Variants in SMC3 observed in about 807,000 individuals in gnomAD.
The protein encoded by SMC3 is structural maintenance of chromosomes 3.
SMC3 carries 20 observed loss-of-function variants against 171.8 expected under a neutral mutation model. The observed-to-expected ratio is 0.12, with a 90% CI of 0.08 to 0.17. SMC3 has a LOEUF of 0.17. Among genes scored for constraint, SMC3 ranks in the 10% least tolerant of loss-of-function variants. The pLI, the probability that SMC3 is intolerant of heterozygous loss-of-function variation, is 1.00. For synonymous variants in SMC3, 464 were observed against 451.1 expected (o/e 1.03, Z -0.36); for missense variants, 543 against 1,420.4 (o/e 0.38, Z 9.93).
At chr10:110,573,384 G>C (rs1423728173) in intron 2 of SMC3, among the ~76,000 whole-genome samples, 1 of 151,372 alleles carries the variant, frequency 6.6e-6, no homozygotes, top group Non-Finnish European at 1.5e-5. Flanking sequence ...AGTTAAAATA[G>C]AATTATATAT....
chr10:110,590,357 C>T, intron 15 of SMC3, 55 bp from the exon 16 acceptor site: 1 of 1,437,808 alleles, frequency 7.0e-7, no homozygotes, highest in Non-Finnish European at 9.8e-7. Context: ...CATTCCTTAC[C>T]AGGAGTGCCA....
intron 18 of SMC3, among the ~76,000 whole-genome samples, chr10:110,594,207 T>A (rs1185149916): frequency 6.6e-6 from 1 of 150,942 alleles, no homozygotes; most frequent in Non-Finnish European, 1.5e-5. Context: ...TTAAATTTAT[T>A]TTTTTTTTAC....
chr10:110,604,110 A>AC lies in SMC3; in HGVS notation c.3583-121_3583-120insC. The AC allele has an allele frequency of 1.5e-5, 8 of 534,878 alleles. No homozygotes were observed. In the East Asian group the frequency reaches 2.0e-4, roughly 14 times the overall value. 33.1% of individuals were successfully genotyped at this position (534,878 alleles called of 1,614,324 possible). On this transcript the variant is annotated intron_variant, in intron 28 of 28. Coordinates refer to ENST00000361804, the MANE Select transcript of SMC3 (RefSeq NM_005445.4). ...ACTCCATCTCAAAAAAAAAAAAAAAAAAAAAAACTAAAAATTAAAAAATGT... is the reference window on the plus strand; with the variant it reads ...ACTCCATCTCAAAAAAAAAAAAAAAACAAAAAAACTAAAAATTAAAAAATGT...
intron 20 of SMC3, among the ~76,000 whole-genome samples, chr10:110,599,375 G>A (rs950093120): frequency 6.6e-6 from 1 of 152,180 alleles, no homozygotes; most frequent in South Asian, 2.1e-4. Flanking sequence ...GGTTACAGGC[G>A]TGAGCCACTG....
At chr10:110,602,343 C>A in intron 25 of SMC3, 131 bp from the exon 26 acceptor site, 1 of 953,144 alleles carries the variant, frequency 1.0e-6, no homozygotes, top group Non-Finnish European at 1.6e-6. Flanking sequence ...TTTTACACAG[C>A]CCTTAGAAGG....
chr10:110,578,814 ATAT>A, intron 7 of SMC3, 108 bp downstream of exon 7: 1 of 796,244 alleles, frequency 1.3e-6, no homozygotes, highest in Non-Finnish European at 2.1e-6. Context: ...AAAAATGGCC[ATAT>A]TCTTTTACAT....
intron 2 of SMC3, among the ~76,000 whole-genome samples, chr10:110,571,861 A>G (rs1860878511): frequency 6.6e-6 from 1 of 152,168 alleles, no homozygotes. Flanking sequence ...GTAATCTGTT[A>G]TTCTCCTTCA....
At chr10:110,595,054 C>G (rs1364021083) in intron 18 of SMC3, among the ~76,000 whole-genome samples, 1 of 151,412 alleles carries the variant, frequency 6.6e-6, no homozygotes, top group Non-Finnish European at 1.5e-5. Flanking sequence ...ATGATCTCAG[C>G]TCACTACAAC....
intron 4 of SMC3, among the ~76,000 whole-genome samples, chr10:110,576,687 G>C (rs1420662333): frequency 6.6e-6 from 1 of 152,020 alleles, no homozygotes; most frequent in Non-Finnish European, 1.5e-5. Context: ...CCAGTAATCA[G>C]AATTGATTTC....
At chr10:110,592,399 T>C (rs554906976) in intron 17 of SMC3, among the ~76,000 whole-genome samples, 1 of 152,340 alleles carries the variant, frequency 6.6e-6, no homozygotes, top group Middle Eastern at 3.4e-3. Context: ...CCATGACTTC[T>C]GGGGTGTCAG....
chr10:110,577,277 T>G, intron 4 of SMC3, 144 bp from the exon 5 acceptor site: 4 of 673,962 alleles, frequency 5.9e-6, no homozygotes, highest in East Asian at 2.7e-5. Context: ...AGACGTTAGA[T>G]TAGTGTGTGT....
rs2134755918 is a variant in SMC3, at chr10:110,604,362, G to A, written c.*60G>A. The A allele has an allele frequency of 1.6e-6, 2 of 1,229,054 alleles. No individual in the cohort carries two copies. Among genetic ancestry groups the A allele is most frequent in the East Asian group, 4.7e-5 (2 of 42,670 alleles). 76.1% of individuals were successfully genotyped at this position (1,229,054 alleles called of 1,614,324 possible). A position where few individuals can be genotyped will look rare whatever the true frequency, so the allele number is the denominator to read the frequency against. On this transcript the variant is annotated 3_prime_UTR_variant, in exon 29 of 29. Transcript: ENST00000361804. ...TATAGTAATATGATTCTCATACCCAGGAACTGTAAATTTAAACCTAAATAT... is the reference window on the plus strand; with the variant it reads ...TATAGTAATATGATTCTCATACCCAAGAACTGTAAATTTAAACCTAAATAT...
intron 1 of SMC3, chr10:110,568,589 A>T (rs1860819320): frequency 3.7e-6 from 1 of 271,556 alleles, no homozygotes; most frequent in Admixed American, 5.1e-5. Flanking sequence ...GAGTCAGGAG[A>T]GCTGGGGCCC....
chr10:110,578,034 A>G (rs746869430), intron 6 of SMC3, 120 bp downstream of exon 6: 7 of 713,270 alleles, frequency 9.8e-6, no homozygotes, highest in African/African-American at 3.5e-5. Context: ...TCGGCTTCCT[A>G]AAGTGCTAGG....
chr10:110,577,243 G>A (rs1391965336), intron 4 of SMC3, among the ~76,000 whole-genome samples, 178 bp from the exon 5 acceptor site: 2 of 152,080 alleles, frequency 1.3e-5, no homozygotes, highest in Non-Finnish European at 2.9e-5. Flanking sequence ...CCCAAAGTAT[G>A]TATCCCTCTT....
At chr10:110,591,983 G>A (rs922528591) in intron 17 of SMC3, among the ~76,000 whole-genome samples, 5 of 152,224 alleles carry the variant, frequency 3.3e-5, no homozygotes, top group Middle Eastern at 3.4e-3. Flanking sequence ...CAAACTTAGG[G>A]CCAGGCTCGG....
chr10:110,578,724 C>A lies in SMC3; in HGVS notation c.429+18C>A. 1 of 1,538,502 alleles carries A rather than the reference C, an allele frequency of 6.5e-7. No individual in the cohort carries two copies. Among genetic ancestry groups the A allele is most frequent in the South Asian group, 1.1e-5 (1 of 87,380 alleles). ...AAGGAAAGGTAAAACAATTGTATGT[C>A]CTTTTTAAGTAGAATTTGTTTTCTG... is the stretch of plus-strand genomic sequence containing the variant. On this transcript the variant is annotated intron_variant, in intron 7 of 28. Transcript: ENST00000361804.
chr10:110,573,585 T>G (rs1239115051), intron 2 of SMC3, 122 bp from the exon 3 acceptor site: 1 of 585,130 alleles, frequency 1.7e-6, no homozygotes, highest in Admixed American at 2.8e-5. Context: ...CTGTTTAATT[T>G]CAGATGTTAA....
intron 10 of SMC3, 76 bp from the exon 11 acceptor site, chr10:110,583,308 A>G (rs1327643016): frequency 4.3e-6 from 5 of 1,171,724 alleles, no homozygotes; most frequent in Non-Finnish European, 5.1e-6. Context: ...ACATTAAGTG[A>G]AAGAGAATTA....
Sources: allele counts gnomAD v4.1 joint callset (sites outside exome capture counted in the v4.1 genomes callset), GRCh38; gene constraint gnomAD v4.1.1; transcripts MANE v1.5; gene names NCBI Gene and HGNC (gene_info 2026-07-23, HGNC 2026-07-21).